WNK3: variants seen among roughly 807,000 people sequenced by gnomAD.
The protein encoded by WNK3 is serine/threonine-protein kinase WNK3.
WNK3 carries 18 observed loss-of-function variants against 116.7 expected under a neutral mutation model. The observed-to-expected ratio is 0.15, with a 90% CI of 0.11 to 0.23. WNK3 has a LOEUF of 0.23. Ranked by LOEUF, WNK3 falls within the 10% of genes least tolerant of loss-of-function variation. The pLI, the probability that WNK3 is intolerant of heterozygous loss-of-function variation, is 1.00. For missense variants in WNK3, 993 were observed against 1,323.8 expected (o/e 0.75, Z 3.88); for synonymous variants, 404 against 469.4 (o/e 0.86, Z 1.80).
intron 21 of WNK3, among the ~76,000 whole-genome samples, chrX:54,232,333 G>A (rs782797211): frequency 8.0e-4 from 88 of 110,091 alleles, no homozygotes; most frequent in African/African-American, 2.7e-3. Context: ...GTAGAGATGG[G>A]GTTTCGCCAT....
At chrX:54,251,337 TTAA>T (rs1176849593) in intron 15 of WNK3, 59 bp downstream of exon 15, 3 of 805,851 alleles carry the variant, frequency 3.7e-6, no homozygotes, top group Non-Finnish European at 3.5e-6. Context: ...TGAAGGTGTG[TTAA>T]AAGTTTTCAA....
At chrX:54,202,660 C>T (rs1295937095) in intron 22 of WNK3, among the ~76,000 whole-genome samples, 2 of 106,531 alleles carry the variant, frequency 1.9e-5, no homozygotes, top group Non-Finnish European at 3.9e-5. Flanking sequence ...CATTGCACTC[C>T]AGCCTGGGAC....
chrX:54,238,779 G>C, intron 18 of WNK3, 89 bp downstream of exon 18: 1 of 728,421 alleles, frequency 1.4e-6, no homozygotes, highest in Non-Finnish European at 1.9e-6. Flanking sequence ...TGTGGAAAAA[G>C]TGGCAAGATT....
At chrX:54,323,390 T>C (rs1465918835) in intron 2 of WNK3, among the ~76,000 whole-genome samples, 1 of 110,960 alleles carries the variant, frequency 9.0e-6, no homozygotes, top group Non-Finnish European at 1.9e-5. Flanking sequence ...CCAAGCATGG[T>C]GGCTCACACC....
intron 22 of WNK3, among the ~76,000 whole-genome samples, chrX:54,225,390 G>A (rs111231794): frequency 0.043 from 4,727 of 109,636 alleles, 106 homozygotes; most frequent in Non-Finnish European, 0.069. Flanking sequence ...GGAGGCTGAG[G>A]TGGGTGGATC....
Position 54,198,246 on chromosome X carries a change from A to C in WNK3, c.*78T>G, listed in dbSNP as rs1188236268. The C allele has an allele frequency of 4.5e-6, 4 of 891,108 alleles. No individual in the cohort carries two copies. The Admixed American group carries it at 1.7e-4, about 37-fold the overall frequency. The allele number at this position is 891,108 out of a possible 1,213,427, so 73.4% of individuals were successfully genotyped here. A position where few individuals can be genotyped will look rare whatever the true frequency, so the allele number is the denominator to read the frequency against. On this transcript the variant is annotated 3_prime_UTR_variant, in exon 24 of 24. Coordinates refer to ENST00000354646, the Ensembl canonical transcript of WNK3. ...GAGGGAAAATATGACAGAACCCAAG[A>C]GGAAGAAACTTTAATATCTTGGGTG...
At chrX:54,336,054 C>T in intron 1 of WNK3, among the ~76,000 whole-genome samples, 1 of 112,001 alleles carries the variant, frequency 8.9e-6, no homozygotes, top group African/African-American at 3.2e-5. Context: ...CTTTGGGAGG[C>T]CAAGGTGGGT....
chrX:54,243,099 C>G (rs980848708), intron 17 of WNK3, among the ~76,000 whole-genome samples: 3 of 109,493 alleles, frequency 2.7e-5, no homozygotes, highest in Non-Finnish European at 3.8e-5. Flanking sequence ...AGGCTTGAGC[C>G]ACCATGCCCA....
At chrX:54,312,127 G>A (rs955798739) in intron 2 of WNK3, among the ~76,000 whole-genome samples, 2 of 110,198 alleles carry the variant, frequency 1.8e-5, no homozygotes, top group Non-Finnish European at 3.8e-5. Flanking sequence ...GACCAGCATG[G>A]CTAACATAGT....
intron 1 of WNK3, among the ~76,000 whole-genome samples, chrX:54,347,697 CAT>C (rs1255207109): frequency 8.3e-5 from 8 of 96,655 alleles, no homozygotes; most frequent in South Asian, 4.2e-4. Flanking sequence ...TATATATACA[CAT>C]ATATATATAC....
At chrX:54,206,017 A>C (rs781930556) in intron 22 of WNK3, among the ~76,000 whole-genome samples, 2 of 111,863 alleles carry the variant, frequency 1.8e-5, no homozygotes, top group African/African-American at 6.5e-5. Context: ...CATTATTTCT[A>C]TCTCTTATCC....
At chrX:54,312,501 G>A (rs975289683) in intron 2 of WNK3, among the ~76,000 whole-genome samples, 4 of 109,912 alleles carry the variant, frequency 3.6e-5, no homozygotes, top group Admixed American at 9.8e-5. Flanking sequence ...GCAGTGGTGC[G>A]ATCTCAGCTT....
chrX:54,222,894 T>TATAATA (rs1177160777), intron 22 of WNK3, among the ~76,000 whole-genome samples: 15 of 83,664 alleles, frequency 1.8e-4, no homozygotes, highest in African/African-American at 4.6e-4. Context: ...AAAAGTATAG[T>TATAATA]ATAATAATAA....
chrX:54,238,474 T>G lies in WNK3; in HGVS notation c.3884-2A>C, dbSNP rs782063656. 8.3e-7 allele frequency: 1 copy of G among 1,198,845 alleles called. No homozygotes were observed. The highest frequency in any genetic ancestry group is 1.1e-6 in the Non-Finnish European group (1 of 891,723). On this transcript the variant is annotated splice_acceptor_variant, in intron 18 of 23. Coordinates refer to ENST00000354646, the Ensembl canonical transcript of WNK3. LOFTEE classifies it high-confidence loss of function. The stretch of plus-strand genomic sequence containing the variant: ...CTGATCTCATCTCTTCTGTTTCCAC[T>G]GCAAGTTTTGCCAAATTGTAAGTAA...
intron 10 of WNK3, among the ~76,000 whole-genome samples, chrX:54,286,869 C>T (rs889211679): frequency 3.8e-5 from 4 of 105,678 alleles, no homozygotes; most frequent in Admixed American, 2.1e-4. Context: ...CCCGAGATGG[C>T]GCCACTGCAC....
intron 2 of WNK3, among the ~76,000 whole-genome samples, chrX:54,314,966 C>T: frequency 9.1e-6 from 1 of 110,440 alleles, no homozygotes. Context: ...ATATTTCCCC[C>T]CTTTCTATCA....
chrX:54,201,056 G>A (rs2067496768), intron 23 of WNK3, among the ~76,000 whole-genome samples: 1 of 111,176 alleles, frequency 9.0e-6, no homozygotes, highest in Admixed American at 9.6e-5. Context: ...AACACACAGA[G>A]ATAAATCTCT....
At chrX:54,225,384 G>A (rs181615299) in intron 22 of WNK3, among the ~76,000 whole-genome samples, 1 of 109,932 alleles carries the variant, frequency 9.1e-6, no homozygotes, top group East Asian at 2.9e-4. Context: ...ACTTTGGGAG[G>A]CTGAGGTGGG....
chrX:54,351,598 T>G (rs2069516181), intron 1 of WNK3, among the ~76,000 whole-genome samples: 1 of 110,705 alleles, frequency 9.0e-6, no homozygotes, highest in Non-Finnish European at 1.9e-5. Flanking sequence ...TAGCAAGACC[T>G]TATCTCTATT....
Sources: allele counts gnomAD v4.1 joint callset (sites outside exome capture counted in the v4.1 genomes callset), GRCh38; gene constraint gnomAD v4.1.1; transcripts MANE v1.5; gene names NCBI Gene and HGNC (gene_info 2026-07-23, HGNC 2026-07-21).